Variants in INPP4B observed in about 807,000 individuals in gnomAD.
INPP4B encodes inositol polyphosphate-4-phosphatase type II B.
INPP4B carries 55 observed loss-of-function variants against 122.5 expected under a neutral mutation model. The observed-to-expected ratio is 0.45, with a 90% CI of 0.36 to 0.56. The LOEUF (loss-of-function observed/expected upper bound fraction) is 0.56, where lower values mean the gene tolerates loss of function less well. Among genes scored for constraint, INPP4B ranks in the 20% least tolerant of loss-of-function variants. INPP4B has a pLI of 0.00. For missense variants in INPP4B, 1,000 were observed against 1,097.7 expected, an observed-to-expected ratio of 0.91 and a Z score of 1.26; for synonymous variants, 403 against 388.7, an observed-to-expected ratio of 1.04 and a Z score of -0.43.
chr4:142,516,494 T>C lies in INPP4B; in HGVS notation c.-190-53768A>G, dbSNP rs183260831. Among the ~76,000 whole-genome samples, 18 of 152,180 alleles carry C rather than the reference T, an allele frequency of 1.2e-4. No individual in the cohort carries two copies. The East Asian group carries it at 3.3e-3, about 28-fold the overall frequency. On this transcript the variant is annotated intron_variant, in intron 2 of 25. Transcript: ENST00000262992. ...TTTCACAGTTGTGGGACAGAGAGAGTAAGTCACCAGCCCAAAGTCAGTGTT... is the reference window on the plus strand; with the variant it reads ...TTTCACAGTTGTGGGACAGAGAGAGCAAGTCACCAGCCCAAAGTCAGTGTT...
At chr4:142,644,957 T>G (rs1465430653) in intron 2 of INPP4B, among the ~76,000 whole-genome samples, 1 of 151,198 alleles carries the variant, frequency 6.6e-6, no homozygotes, top group Non-Finnish European at 1.5e-5. Context: ...CATCTTAGCT[T>G]TATGTATTAA....
At chr4:142,756,235 T>A (rs1280068392) in intron 1 of INPP4B, among the ~76,000 whole-genome samples, 1 of 152,054 alleles carries the variant, frequency 6.6e-6, no homozygotes, top group Non-Finnish European at 1.5e-5. Flanking sequence ...TTTGGGACCA[T>A]GAAGGAAGTT....
chr4:142,709,678 C>T (rs1044320995), intron 2 of INPP4B, among the ~76,000 whole-genome samples: 8 of 152,178 alleles, frequency 5.3e-5, no homozygotes, highest in African/African-American at 1.9e-4. Flanking sequence ...GCCTGTGGAA[C>T]CATAAGCCAA....
chr4:142,266,294 G>T (rs1482676895), intron 10 of INPP4B, among the ~76,000 whole-genome samples: 2 of 152,064 alleles, frequency 1.3e-5, no homozygotes. Flanking sequence ...CTTTACCATG[G>T]CCCTGATATT....
At chr4:142,553,111 T>G (rs1303635495) in intron 2 of INPP4B, among the ~76,000 whole-genome samples, 1 of 152,200 alleles carries the variant, frequency 6.6e-6, no homozygotes, top group Non-Finnish European at 1.5e-5. Flanking sequence ...GTTCTGTTTT[T>G]CTAAAACTCC....
chr4:142,258,371 A>C (rs1737650117), intron 11 of INPP4B, among the ~76,000 whole-genome samples: 1 of 150,976 alleles, frequency 6.6e-6, no homozygotes, highest in Admixed American at 6.6e-5. Flanking sequence ...ATTAAACTAA[A>C]GAGCTTCTGC....
At chr4:142,544,645 C>A (rs1278455076) in intron 2 of INPP4B, among the ~76,000 whole-genome samples, 1 of 152,120 alleles carries the variant, frequency 6.6e-6, no homozygotes, top group Non-Finnish European at 1.5e-5. Context: ...TATTGTGACT[C>A]TGGAGGGTTG....
intron 2 of INPP4B, among the ~76,000 whole-genome samples, chr4:142,494,507 T>G (rs1822278934): frequency 6.6e-6 from 1 of 152,194 alleles, no homozygotes; most frequent in Admixed American, 6.5e-5. Context: ...TAGCTTTCCT[T>G]GTGTGCAATT....
intron 18 of INPP4B, among the ~76,000 whole-genome samples, chr4:142,134,970 T>C (rs1273013586): frequency 6.6e-6 from 1 of 152,096 alleles, no homozygotes; most frequent in Non-Finnish European, 1.5e-5. Context: ...CTTTGGTACT[T>C]GTATGTTGTA....
intron 1 of INPP4B, among the ~76,000 whole-genome samples, chr4:142,821,697 A>C (rs1439327112): frequency 6.6e-6 from 1 of 152,174 alleles, no homozygotes; most frequent in African/African-American, 2.4e-5. Flanking sequence ...TCAGTTTCTT[A>C]AACATAAATT....
At chr4:142,842,353 T>C (rs571811087) in intron 1 of INPP4B, among the ~76,000 whole-genome samples, 111 of 151,150 alleles carry the variant, frequency 7.3e-4, no homozygotes, top group African/African-American at 2.4e-3. Flanking sequence ...ACATCTATTA[T>C]AATAGCTAAT....
intron 2 of INPP4B, among the ~76,000 whole-genome samples, chr4:142,629,862 T>C (rs1192553337): frequency 1.3e-5 from 2 of 152,078 alleles, no homozygotes; most frequent in African/African-American, 4.8e-5. Flanking sequence ...CTGCTGCCAA[T>C]TAGAATAGCC....
chr4:142,487,987 T>A (rs1468967366), intron 2 of INPP4B, among the ~76,000 whole-genome samples: 4 of 152,140 alleles, frequency 2.6e-5, no homozygotes, highest in Non-Finnish European at 5.9e-5. Flanking sequence ...CTGTTTCTGA[T>A]CTTAGCTGGA....
intron 2 of INPP4B, among the ~76,000 whole-genome samples, chr4:142,663,147 A>G (rs1755489844): frequency 6.6e-6 from 1 of 152,234 alleles, no homozygotes; most frequent in South Asian, 2.1e-4. Context: ...GGTATGAAGT[A>G]CAATGGGTGT....
intron 2 of INPP4B, among the ~76,000 whole-genome samples, chr4:142,481,202 T>C (rs1820498396): frequency 6.9e-6 from 1 of 145,094 alleles, no homozygotes; most frequent in Non-Finnish European, 1.5e-5. Flanking sequence ...TACAAATGAG[T>C]GAGAGAACAG....
At chr4:142,070,004 C>A (rs1241649852) in intron 25 of INPP4B, among the ~76,000 whole-genome samples, 2 of 152,056 alleles carry the variant, frequency 1.3e-5, no homozygotes, top group Non-Finnish European at 2.9e-5. Context: ...GCATCATCTT[C>A]ATACCAAAGC....
intron 11 of INPP4B, among the ~76,000 whole-genome samples, chr4:142,246,692 TG>T (rs984721880): frequency 1.2e-4 from 18 of 152,292 alleles, no homozygotes; most frequent in African/African-American, 4.3e-4. Flanking sequence ...TAAGGAGATT[TG>T]GGGCTAAGTC....
intron 2 of INPP4B, among the ~76,000 whole-genome samples, chr4:142,625,670 A>C (rs1046631788): frequency 6.6e-6 from 1 of 151,998 alleles, no homozygotes; most frequent in Non-Finnish European, 1.5e-5. Flanking sequence ...AGCCCGCATC[A>C]CCAAGTCAAT....
At chr4:142,262,459 T>C (rs1481629165) in intron 10 of INPP4B, among the ~76,000 whole-genome samples, 1 of 152,176 alleles carries the variant, frequency 6.6e-6, no homozygotes, top group Non-Finnish European at 1.5e-5. Context: ...TCCTGAAAGT[T>C]TCAGCTCAAA....
Sources: gnomAD v4.1 joint callset for allele counts (sites outside exome capture counted in the v4.1 genomes callset) on GRCh38, gnomAD v4.1.1 for gene constraint, MANE v1.5 for transcripts, NCBI Gene and HGNC (gene_info 2026-07-23, HGNC 2026-07-21) for gene names.